The following GFRA2 variants were observed in gnomAD, a reference collection of about 807,000 sequenced individuals.
GFRA2 encodes the protein GDNF family receptor alpha 2, also known as GDNF family receptor alpha-2.
Under a neutral mutation model 48.3 loss-of-function variants are expected in GFRA2, and 17 were observed. The ratio of observed to expected loss-of-function variants is 0.35; its 90% confidence interval spans 0.24 to 0.53. The LOEUF (loss-of-function observed/expected upper bound fraction) is 0.53, where lower values mean the gene tolerates loss of function less well. GFRA2 is among the 20% of genes least tolerant of loss of function. The probability of loss-of-function intolerance (pLI) is 0.93; values close to 1 mark genes in which losing one functional copy is unlikely to be tolerated. For missense variants in GFRA2, 660 were observed against 637.3 expected, an observed-to-expected ratio of 1.04 and a Z score of -0.38; for synonymous variants, 305 against 257.2, an observed-to-expected ratio of 1.19 and a Z score of -1.78.
At chr8:21,740,510 C>T (rs1441740104) in intron 4 of GFRA2, among the ~76,000 whole-genome samples, 1 of 152,178 alleles carries the variant, frequency 6.6e-6, no homozygotes, top group African/African-American at 2.4e-5. Flanking sequence ...CAGCATACGG[C>T]ACGGCTATCC....
chr8:21,704,293 C>T (rs1398818117), intron 6 of GFRA2, among the ~76,000 whole-genome samples: 1 of 152,194 alleles, frequency 6.6e-6, no homozygotes, highest in Non-Finnish European at 1.5e-5. Context: ...TGGGCATCCC[C>T]ATCCTGGGCT....
intron 4 of GFRA2, among the ~76,000 whole-genome samples, chr8:21,722,964 G>A (rs952471276): frequency 6.6e-6 from 1 of 152,170 alleles, no homozygotes; most frequent in Non-Finnish European, 1.5e-5. Context: ...AAAAATCAGA[G>A]GGGACACAGC....
Position 21,694,437 on chromosome 8 carries a change from C to A in GFRA2, c.1272+27G>T, listed in dbSNP as rs747431819. ...CCCCCCACCGGCCCAGCCTTCTGCA[C>A]CCATCCCCACTCTGCCCCCAACTCA... is the stretch of plus-strand genomic sequence containing the variant. On this transcript the variant is annotated intron_variant, in intron 8 of 8. Coordinates refer to ENST00000524240, the MANE Select transcript of GFRA2 (RefSeq NM_001495.5). 3 of 1,606,638 alleles carry A rather than the reference C, an allele frequency of 1.9e-6. No homozygotes were observed. The East Asian group carries it at 6.7e-5, about 36-fold the overall frequency.
chr8:21,799,254 G>C (rs1807729501), intron 2 of GFRA2, among the ~76,000 whole-genome samples: 1 of 147,836 alleles, frequency 6.8e-6, no homozygotes, highest in South Asian at 2.1e-4. Context: ...GTCTTGCTCT[G>C]TCACCCAGGC....
rs751134908 is a variant in GFRA2 at position 21,750,917 on chromosome 8, G to A, written c.465C>T (p.Ser155=). 1.2e-5 allele frequency: 19 copies of A among 1,612,744 alleles called. No individual in the cohort carries two copies. Among genetic ancestry groups the A allele is most frequent in the East Asian group, 4.5e-5 (2 of 44,812 alleles). ...FSGTGADPVV[S]AKSNHCLDAA... ...CATCCAGGCAATGGTTGCTCTTGGC[G>A]CTGACCACCGGGTCTGCCCCTGTCC... is the stretch of plus-strand genomic sequence containing the variant. The change falls in exon 4 of 9, where the codon AGC becomes AGT. Residue 155 remains serine (S), a synonymous_variant. Transcript: ENST00000524240. The surrounding 1 kb of genome is among the most constrained non-coding windows in gnomAD (Gnocchi z 5.7).
chr8:21,810,930 G>A (rs776458644), intron 1 of GFRA2, among the ~76,000 whole-genome samples: 2 of 152,218 alleles, frequency 1.3e-5, no homozygotes, highest in Non-Finnish European at 2.9e-5. Flanking sequence ...AACTCTAGAA[G>A]AAGCACCTGG....
intron 4 of GFRA2, among the ~76,000 whole-genome samples, chr8:21,741,847 AG>A (rs1177283134): frequency 6.6e-6 from 1 of 151,800 alleles, no homozygotes; most frequent in East Asian, 1.9e-4. Flanking sequence ...GCTTGAACCA[AG>A]GAGGCAGAAG....
Position 21,788,531 on chromosome 8 carries a change from C to T in GFRA2, c.-372G>A, listed in dbSNP as rs1807400587. 2.9e-6 allele frequency: 3 copies of T among 1,032,446 alleles called. No individual in the cohort carries two copies. The highest frequency in any genetic ancestry group is 3.5e-6 in the Non-Finnish European group (3 of 861,514). 64.0% of individuals were successfully genotyped at this position (1,032,446 alleles called of 1,614,324 possible). A position where few individuals can be genotyped will look rare whatever the true frequency, so the allele number is the denominator to read the frequency against. ...ATTCCCCTGCGCTTCCCAGGAGGGG[C>T]CTGGGGAGGTGGGGAGAGAGGCGAT... On this transcript the variant is annotated 5_prime_UTR_variant, in exon 1 of 9. Coordinates refer to ENST00000524240, the MANE Select transcript of GFRA2 (RefSeq NM_001495.5).
At chr8:21,778,116 G>A (rs1406971833) in intron 2 of GFRA2, among the ~76,000 whole-genome samples, 2 of 152,186 alleles carry the variant, frequency 1.3e-5, no homozygotes, top group Admixed American at 1.3e-4. Flanking sequence ...CTGAGAATCG[G>A]AAGGAAAATC....
intron 4 of GFRA2, among the ~76,000 whole-genome samples, chr8:21,714,411 G>C (rs555809703): frequency 6.6e-6 from 1 of 152,048 alleles, no homozygotes; most frequent in East Asian, 1.9e-4. Context: ...ACCATGCCTG[G>C]CTAATTTTTT....
upstream of GFRA2, among the ~76,000 whole-genome samples, chr8:21,792,531 GC>G (rs1807590813): frequency 6.6e-6 from 1 of 152,202 alleles, no homozygotes; most frequent in South Asian, 2.1e-4. Flanking sequence ...CAGCAAGACT[GC>G]CCCTCCCCTG....
Position 21,782,902 on chromosome 8 carries a change from G to C in GFRA2, c.41-3C>G. 1 of 1,548,756 alleles carries C rather than the reference G, an allele frequency of 6.5e-7. No homozygotes were observed. Among genetic ancestry groups the C allele is most frequent in the South Asian group, 1.2e-5 (1 of 85,102 alleles). The stretch of plus-strand genomic sequence containing the variant: ...GGCCAAAGAGCGGAGGGTCTCGTCT[G>C]GGTGGTGGGGAGGGAAGACAAGCAT... On this transcript the variant is annotated splice_polypyrimidine_tract_variant and splice_region_variant and intron_variant, in intron 1 of 8. Coordinates refer to ENST00000524240, the MANE Select transcript of GFRA2 (RefSeq NM_001495.5).
chr8:21,708,089 G>C (rs1240320339), intron 4 of GFRA2, among the ~76,000 whole-genome samples: 2 of 152,182 alleles, frequency 1.3e-5, no homozygotes, highest in Non-Finnish European at 2.9e-5. Context: ...ACCATTTCTG[G>C]CAGGCCCCAG....
At chr8:21,717,691 G>T (rs189601456) in intron 4 of GFRA2, among the ~76,000 whole-genome samples, 227 of 152,308 alleles carry the variant, frequency 1.5e-3, no homozygotes, top group African/African-American at 5.4e-3. Flanking sequence ...AAGTGGCTGA[G>T]ACAGAAAAGC....
rs1797578132 is a variant in GFRA2, at chr8:21,692,141, A to G, written c.*1137T>C. The G allele has an allele frequency of 1.3e-5, 2 of 152,632 alleles. No individual in the cohort carries two copies. Among genetic ancestry groups the G allele is most frequent in the Non-Finnish European group, 2.9e-5 (2 of 68,050 alleles). The allele number at this position is 152,632 out of a possible 1,614,324, so 9.5% of individuals were successfully genotyped here. Reference sequence around the variant, plus strand: ...GGGGCCAATGTCCTTTTTCCCCATTATAGACAACAGTATTAAAAAAAATAA... The same window carrying G: ...GGGGCCAATGTCCTTTTTCCCCATTGTAGACAACAGTATTAAAAAAAATAA... On this transcript the variant is annotated 3_prime_UTR_variant, in exon 9 of 9. Coordinates refer to ENST00000524240, the MANE Select transcript of GFRA2 (RefSeq NM_001495.5).
Position 21,785,335 on chromosome 8 carries a change from G to A in GFRA2, c.41-2436C>T, listed in dbSNP as rs1256663266. ...TGGCCAGGCAACAGACACACTCTGC[G>A]AAGGGCCGGGGCATCCATTCACCAA... On this transcript the variant is annotated intron_variant, in intron 1 of 8. Transcript: ENST00000524240. Among the ~76,000 whole-genome samples the A allele has an allele frequency of 1.3e-5, 2 of 152,150 alleles. 1 individual carries two copies. The highest frequency in any genetic ancestry group is 4.1e-4 in the South Asian group (2 of 4,820).
chr8:21,696,313 T>A (rs1802170875), intron 7 of GFRA2, among the ~76,000 whole-genome samples: 1 of 151,804 alleles, frequency 6.6e-6, no homozygotes, highest in South Asian at 2.1e-4. Context: ...CCATCCACCA[T>A]AACAGCTCCA....
At position 21,750,716 on chromosome 8, in the gene GFRA2, G is replaced by A. The variant is rs368858488; in HGVS notation, c.666C>T (p.Cys222=). ...CAGCGCACGCCTGGTCTTGGCAGGA[G>A]CAGAAGAGCATGCGGTAGGTGTACT... ...PSEYTYRMLF[C]SCQDQACAER... is the part of the protein sequence containing the mutation. Residue 222 remains cysteine (C), a synonymous_variant, in exon 4 of 9, where the codon TGC becomes TGT. Coordinates refer to ENST00000524240, the MANE Select transcript of GFRA2 (RefSeq NM_001495.5). This position sits in a 1 kb window ranked among gnomAD's most constrained non-coding sequence, Gnocchi z 5.7. 90 of 1,613,840 alleles carry A rather than the reference G, an allele frequency of 5.6e-5. No homozygotes were observed. Among genetic ancestry groups the A allele is most frequent in the Non-Finnish European group, 1.4e-5 (16 of 1,179,850 alleles).
rs1805229120 is a variant in GFRA2 at position 21,750,389 on chromosome 8, T to G, written c.794+199A>C. On this transcript the variant is annotated intron_variant, in intron 4 of 8. Coordinates refer to ENST00000524240, the MANE Select transcript of GFRA2 (RefSeq NM_001495.5). This position sits in a 1 kb window ranked among gnomAD's most constrained non-coding sequence, Gnocchi z 5.7. ...ATGAACAAATGAATGAATAAAGAAG[T>G]AGATGGATGGATGAATGGATGAATG... 6.6e-6 allele frequency among the ~76,000 whole-genome samples: 1 copy of G among 152,138 alleles called. No individual in the cohort carries two copies. Among genetic ancestry groups the G allele is most frequent in the Admixed American group, 6.5e-5 (1 of 15,276 alleles).
Sources: allele counts gnomAD v4.1 joint callset (sites outside exome capture counted in the v4.1 genomes callset), GRCh38; gene constraint gnomAD v4.1.1; non-coding constraint Gnocchi (gnomAD v3.1); transcripts MANE v1.5; gene names NCBI Gene and HGNC (gene_info 2026-07-23, HGNC 2026-07-21).